Variants in RALGAPA2 observed in about 807,000 individuals in gnomAD.
The protein encoded by RALGAPA2 is ral GTPase-activating protein subunit alpha-2.
Under a neutral mutation model 230.4 loss-of-function variants are expected in RALGAPA2, and 139 were observed. The observed-to-expected ratio is 0.60, with a 90% CI of 0.53 to 0.69. The LOEUF (loss-of-function observed/expected upper bound fraction) is 0.69, where lower values mean the gene tolerates loss of function less well. Ranked by LOEUF, RALGAPA2 falls within the 30% of genes least tolerant of loss-of-function variation. RALGAPA2 has a pLI of 0.00. For missense variants in RALGAPA2, 2,163 were observed against 2,276.0 expected (o/e 0.95, Z 1.01); for synonymous variants, 847 against 837.8 (o/e 1.01, Z -0.19).
chr20:20,589,549 T>C (rs1383584561), intron 17 of RALGAPA2, among the ~76,000 whole-genome samples, 184 bp from the exon 18 acceptor site: 1 of 152,182 alleles, frequency 6.6e-6, no homozygotes, highest in Non-Finnish European at 1.5e-5. Context: ...ACCTGGTCTC[T>C]GGCCCACAGA....
intron 27 of RALGAPA2, among the ~76,000 whole-genome samples, chr20:20,529,075 G>A (rs1435116455): frequency 2.0e-5 from 3 of 152,326 alleles, no homozygotes; most frequent in South Asian, 4.1e-4. Flanking sequence ...ACAGCAACAC[G>A]GAAACTAGAG....
chr20:20,574,489 T>C (rs1341813498), intron 20 of RALGAPA2, among the ~76,000 whole-genome samples: 1 of 152,198 alleles, frequency 6.6e-6, no homozygotes, highest in Non-Finnish European at 1.5e-5. Flanking sequence ...CCTGTTGCTT[T>C]AGTATGAGTA....
intron 37 of RALGAPA2, among the ~76,000 whole-genome samples, chr20:20,414,771 G>A (rs920311955): frequency 6.6e-6 from 1 of 152,218 alleles, no homozygotes; most frequent in African/African-American, 2.4e-5. Flanking sequence ...GGAGGAGCAA[G>A]TGTTTCCTTC....
Position 20,526,307 on chromosome 20 carries a change from G to A in RALGAPA2, c.3638C>T (p.Ser1213Phe), listed in dbSNP as rs2063201211. The change falls in exon 28 of 40, where the codon TCC (serine) becomes TTC (phenylalanine). Residue 1213 changes from serine to phenylalanine, a missense_variant. Transcript: ENST00000202677. The stretch of plus-strand genomic sequence containing the variant: ...AAACATCTGAAGCTTCTCCCAGTAG[G>A]AAACCAGCAACTGAAGGACATCGCA... ...VACDVLQLLV[S>F]YWEKLQMFET... is the part of the protein sequence containing the mutation. 4.4e-6 allele frequency: 7 copies of A among 1,608,776 alleles called. No homozygotes were observed. Among genetic ancestry groups the A allele is most frequent in the African/African-American group, 1.3e-5 (1 of 74,704 alleles).
At chr20:20,631,918 C>T (rs1336242398) in intron 9 of RALGAPA2, among the ~76,000 whole-genome samples, 1 of 152,144 alleles carries the variant, frequency 6.6e-6, no homozygotes, top group Non-Finnish European at 1.5e-5. Flanking sequence ...GTGCCTCCTC[C>T]CATGCACCTC....
chr20:20,642,770 A>G (rs1373893110), intron 5 of RALGAPA2, among the ~76,000 whole-genome samples: 2 of 152,196 alleles, frequency 1.3e-5, no homozygotes, highest in Non-Finnish European at 2.9e-5. Context: ...CATGTAAGAA[A>G]TAGTTAACAT....
chr20:20,610,758 C>G (rs951793440), intron 14 of RALGAPA2, among the ~76,000 whole-genome samples: 1 of 152,102 alleles, frequency 6.6e-6, no homozygotes, highest in Non-Finnish European at 1.5e-5. Context: ...GGGACTCATC[C>G]CATAGAACAT....
At position 20,536,727 on chromosome 20, in the gene RALGAPA2, AG is replaced by A; in HGVS notation, c.3342del (p.Tyr1115ThrfsTer13). ...VLGSLVCFPN[T>X]YQEIPLLQSV... ...GACTGCAGTAAAGGAATCTCCTGGTAGGTATTTGGAAAGCAGACCAGAGAGC... is the reference window on the plus strand; with the variant it reads ...GACTGCAGTAAAGGAATCTCCTGGTAGTATTTGGAAAGCAGACCAGAGAGC... On this transcript the variant is annotated frameshift_variant, in exon 25 of 40. Transcript: ENST00000202677. LOFTEE classifies it high-confidence loss of function. 6.2e-7 allele frequency: 1 copy of A among 1,613,138 alleles called. No homozygotes were observed. Among genetic ancestry groups the A allele is most frequent in the Non-Finnish European group, 8.5e-7 (1 of 1,179,282 alleles).
intron 37 of RALGAPA2, among the ~76,000 whole-genome samples, chr20:20,427,757 C>T (rs1192906552): frequency 6.6e-6 from 1 of 151,134 alleles, no homozygotes; most frequent in African/African-American, 2.4e-5. Context: ...TATATCTGGC[C>T]CAGGATGGAT....
intron 10 of RALGAPA2, among the ~76,000 whole-genome samples, chr20:20,624,673 G>A (rs2066436854): frequency 6.6e-6 from 1 of 152,110 alleles, no homozygotes; most frequent in African/African-American, 2.4e-5. Context: ...AACCCATAGT[G>A]CTATCTAAAA....
intron 9 of RALGAPA2, among the ~76,000 whole-genome samples, chr20:20,632,856 C>A (rs1035571596): frequency 6.6e-5 from 10 of 152,128 alleles, no homozygotes; most frequent in African/African-American, 1.9e-4. Flanking sequence ...GTACTCTTTA[C>A]ATAGCAGAGA....
chr20:20,524,343 T>C lies in RALGAPA2; in HGVS notation c.3900+63A>G, dbSNP rs918763702. 31 of 1,582,628 alleles carry C rather than the reference T, an allele frequency of 2.0e-5. No homozygotes were observed. The Admixed American group carries it at 2.4e-4, about 12-fold the overall frequency. ...CAAATAAGTACATGCATAAGACATA[T>C]TTTGGTGGTTCTCTGTCATATAAAC... On this transcript the variant is annotated intron_variant, in intron 30 of 39. Coordinates refer to ENST00000202677, the MANE Select transcript of RALGAPA2 (RefSeq NM_020343.4).
intron 3 of RALGAPA2, among the ~76,000 whole-genome samples, chr20:20,656,929 T>C (rs1295351747): frequency 6.6e-6 from 1 of 152,136 alleles, no homozygotes; most frequent in East Asian, 1.9e-4. Flanking sequence ...AATCTGGAGA[T>C]GGCCTGGGGA....
At chr20:20,660,413 T>G (rs920872356) in intron 3 of RALGAPA2, among the ~76,000 whole-genome samples, 12 of 152,204 alleles carry the variant, frequency 7.9e-5, no homozygotes, top group African/African-American at 2.9e-4. Flanking sequence ...GAGATCAGAT[T>G]TGTTCATTCT....
intron 4 of RALGAPA2, among the ~76,000 whole-genome samples, chr20:20,645,502 A>T (rs997132930): frequency 6.6e-6 from 1 of 152,194 alleles, no homozygotes. Flanking sequence ...ACATATAGAA[A>T]GGGCATTACA....
intron 1 of RALGAPA2, among the ~76,000 whole-genome samples, chr20:20,684,700 G>C (rs1260059092): frequency 6.6e-6 from 1 of 152,132 alleles, no homozygotes; most frequent in African/African-American, 2.4e-5. Flanking sequence ...AATTCCCCCT[G>C]ACAGCACTTC....
intron 38 of RALGAPA2, 22 bp from the exon 39 acceptor site, chr20:20,396,756 T>G: frequency 6.4e-7 from 1 of 1,565,310 alleles, no homozygotes; most frequent in Non-Finnish European, 8.7e-7. Flanking sequence ...GAACACAAAA[T>G]GGAATGAATA....
chr20:20,452,383 C>T (rs17661614), intron 37 of RALGAPA2, among the ~76,000 whole-genome samples: 1,750 of 152,288 alleles, frequency 0.011, 14 homozygotes, highest in Non-Finnish European at 0.018. Context: ...TATGAGTCAT[C>T]GTGCATTAGC....
At chr20:20,439,966 C>A (rs924669370) in intron 37 of RALGAPA2, among the ~76,000 whole-genome samples, 2 of 152,174 alleles carry the variant, frequency 1.3e-5, no homozygotes, top group African/African-American at 4.8e-5. Context: ...TCTTTACTTT[C>A]CTATTAACAA....
Sources: gnomAD v4.1 joint callset for allele counts (sites outside exome capture counted in the v4.1 genomes callset) on GRCh38, gnomAD v4.1.1 for gene constraint, MANE v1.5 for transcripts, NCBI Gene and HGNC (gene_info 2026-07-23, HGNC 2026-07-21) for gene names.